Variants in RGS9 observed in about 807,000 individuals in gnomAD.
The protein encoded by RGS9 is regulator of G protein signaling 9.
A neutral mutation model predicts 102.0 loss-of-function variants in RGS9; 78 were observed. The ratio of observed to expected loss-of-function variants is 0.76; its 90% CI spans 0.64 to 0.92. The LOEUF (loss-of-function observed/expected upper bound fraction) is 0.92, where lower values mean the gene tolerates loss of function less well. Ranked by LOEUF, RGS9 falls within the 40% of genes least tolerant of loss-of-function variation. RGS9 has a pLI of 0.00. For missense variants in RGS9, 833 were observed against 866.1 expected (o/e 0.96, Z 0.48); for synonymous variants, 353 against 318.6 (o/e 1.11, Z -1.15).
rs1488133317 is a variant in RGS9 at position 65,168,261 on chromosome 17, T to C, written c.562T>C (p.Trp188Arg). ...CCTGGACTGCCAGGAGAAGGCATAC[T>C]GGCTGGTGCACCGATGCCCTGTGAG... is the stretch of plus-strand genomic sequence containing the variant. Reference protein sequence around the residue: ...YALDCQEKAYWLVHRCPPGMD... With the variant: ...YALDCQEKAYRLVHRCPPGMD... Residue 188 changes from tryptophan to arginine, a missense_variant, in exon 8 of 19, where the codon TGG (tryptophan) becomes CGG (arginine). Trp to Arg is a moderately radical substitution (Grantham distance 101). Coordinates refer to ENST00000262406, the MANE Select transcript of RGS9 (RefSeq NM_003835.4). 6.2e-7 allele frequency: 1 copy of C among 1,610,172 alleles called. No homozygotes were observed. The highest frequency in any genetic ancestry group is 8.5e-7 in the Non-Finnish European group (1 of 1,178,130).
At chr17:65,146,316 G>A (rs1186350230) in intron 1 of RGS9, among the ~76,000 whole-genome samples, 6 of 152,134 alleles carry the variant, frequency 3.9e-5, no homozygotes, top group Admixed American at 6.6e-5. Flanking sequence ...TTGGCCTGGC[G>A]TGGTGGCTCA....
At chr17:65,159,183 C>A (rs146459257) in intron 3 of RGS9, among the ~76,000 whole-genome samples, 1 of 148,746 alleles carries the variant, frequency 6.7e-6, no homozygotes, top group Non-Finnish European at 1.5e-5. Flanking sequence ...AGAGAACAAC[C>A]CCCCCTTTTT....
intron 5 of RGS9, 130 bp from the exon 6 acceptor site, chr17:65,160,721 C>G (rs1210624554): frequency 7.2e-7 from 1 of 1,395,208 alleles, no homozygotes; most frequent in African/African-American, 1.4e-5. Flanking sequence ...GGGCATGTCC[C>G]CAGGGGCAAG....
chr17:65,142,579 T>A (rs1910198579), intron 1 of RGS9, among the ~76,000 whole-genome samples: 1 of 151,584 alleles, frequency 6.6e-6, no homozygotes, highest in Non-Finnish European at 1.5e-5. Flanking sequence ...CCTTTCTTTT[T>A]TTTTTTTTTT....
intron 1 of RGS9, among the ~76,000 whole-genome samples, chr17:65,152,735 T>G (rs1910626571): frequency 6.6e-6 from 1 of 152,208 alleles, no homozygotes; most frequent in Admixed American, 6.5e-5. Context: ...CTCACTATGT[T>G]GCCCAGGCAG....
chr17:65,153,583 C>A, intron 2 of RGS9, 65 bp downstream of exon 2: 1 of 1,315,812 alleles, frequency 7.6e-7, no homozygotes, highest in Non-Finnish European at 1.1e-6. Flanking sequence ...CGGCCCACCT[C>A]CTGTGTTTGT....
chr17:65,184,080 C>T (rs981536830), intron 9 of RGS9, among the ~76,000 whole-genome samples: 1 of 152,176 alleles, frequency 6.6e-6, no homozygotes, highest in African/African-American at 2.4e-5. Flanking sequence ...TCCAGGAGGG[C>T]CGGCAGCTGA....
intron 9 of RGS9, among the ~76,000 whole-genome samples, chr17:65,181,051 A>T (rs531976885): frequency 1.3e-5 from 2 of 152,302 alleles, no homozygotes; most frequent in African/African-American, 4.8e-5. Flanking sequence ...TCTACCAATG[A>T]TGGGCATTTA....
Position 65,197,244 on chromosome 17 carries a change from G to A in RGS9, c.976+3G>A, listed in dbSNP as rs772414690. ...CTTCCTCAAGAAAGAATTCAGTGGT[G>A]GGTCTTTGTTTACAAAAAAAAATTA... On this transcript the variant is annotated splice_donor_region_variant and intron_variant, in intron 13 of 18. Coordinates refer to ENST00000262406, the MANE Select transcript of RGS9 (RefSeq NM_003835.4). 3.0e-5 allele frequency: 47 copies of A among 1,577,700 alleles called. 1 individual carries two copies. The South Asian group carries it at 5.1e-4, about 17-fold the overall frequency.
At chr17:65,226,293 G>C (rs1905674386) in intron 18 of RGS9, among the ~76,000 whole-genome samples, 1 of 152,204 alleles carries the variant, frequency 6.6e-6, no homozygotes, top group East Asian at 1.9e-4. Flanking sequence ...ACATGTGTTT[G>C]GCCTCGTCTG....
At chr17:65,154,637 T>A (rs1054911953) in intron 2 of RGS9, among the ~76,000 whole-genome samples, 5 of 152,216 alleles carry the variant, frequency 3.3e-5, no homozygotes, top group Non-Finnish European at 7.3e-5. Context: ...CACTGTCTCC[T>A]CTCTGTGTGT....
chr17:65,141,492 G>A (rs1445288208), intron 1 of RGS9, among the ~76,000 whole-genome samples: 1 of 152,208 alleles, frequency 6.6e-6, no homozygotes, highest in Non-Finnish European at 1.5e-5. Flanking sequence ...AAATATTGAG[G>A]ATATCCAGGC....
At chr17:65,177,540 G>A (rs1483420921) in intron 8 of RGS9, among the ~76,000 whole-genome samples, 192 bp from the exon 9 acceptor site, 1 of 152,160 alleles carries the variant, frequency 6.6e-6, no homozygotes, top group Non-Finnish European at 1.5e-5. Context: ...GGGGATACTG[G>A]GAGGCATAAC....
intron 1 of RGS9, among the ~76,000 whole-genome samples, chr17:65,145,673 G>A (rs1268550229): frequency 6.6e-6 from 1 of 152,072 alleles, no homozygotes; most frequent in Non-Finnish European, 1.5e-5. Flanking sequence ...GGGATTACAG[G>A]TGTGAGCCAG....
chr17:65,170,884 T>A (rs184045134), intron 8 of RGS9, among the ~76,000 whole-genome samples: 1 of 152,288 alleles, frequency 6.6e-6, no homozygotes, highest in East Asian at 1.9e-4. Context: ...CTTAAAATTC[T>A]CCCCATCTCT....
chr17:65,143,366 C>A (rs1158552776), intron 1 of RGS9, among the ~76,000 whole-genome samples: 2 of 152,134 alleles, frequency 1.3e-5, no homozygotes, highest in African/African-American at 4.8e-5. Context: ...CCTGATAGTC[C>A]AGGAAGGGGG....
rs138851353 is a variant in RGS9 at position 65,217,495 on chromosome 17, G to C, written c.1407+6890G>C. Among the ~76,000 whole-genome samples, 385 of 152,326 alleles carry C rather than the reference G, an allele frequency of 2.5e-3. 1 individual carries two copies. Among genetic ancestry groups the C allele is most frequent in the African/African-American group, 9.0e-3 (373 of 41,566 alleles). On this transcript the variant is annotated intron_variant, in intron 17 of 18. Coordinates refer to ENST00000262406, the MANE Select transcript of RGS9 (RefSeq NM_003835.4). ...AAGGAAATCACTGGGGATTTTGAGT[G>C]GGTGATTTCAGCAGAATAGTGAAGG...
At chr17:65,176,872 T>C (rs1005396289) in intron 8 of RGS9, among the ~76,000 whole-genome samples, 89 of 149,434 alleles carry the variant, frequency 6.0e-4, no homozygotes, top group African/African-American at 2.2e-3. Context: ...GTGCTGAGTT[T>C]GCCATTCATC....
At chr17:65,166,036 T>C (rs1233697477) in intron 7 of RGS9, among the ~76,000 whole-genome samples, 2 of 152,196 alleles carry the variant, frequency 1.3e-5, no homozygotes, top group Non-Finnish European at 2.9e-5. Context: ...TGGCATTTCC[T>C]ACTCTCTTCT....
Sources: allele counts gnomAD v4.1 joint callset (sites outside exome capture counted in the v4.1 genomes callset), GRCh38; gene constraint gnomAD v4.1.1; transcripts MANE v1.5; gene names NCBI Gene and HGNC (gene_info 2026-07-23, HGNC 2026-07-21).